The following SEMA3E variants were observed in gnomAD, a reference collection of about 807,000 sequenced individuals.
The protein encoded by SEMA3E is semaphorin 3E.
SEMA3E carries 49 observed loss-of-function variants against 93.6 expected under a neutral mutation model. The observed-to-expected ratio is 0.52, with a 90% CI of 0.42 to 0.66. The LOEUF (loss-of-function observed/expected upper bound fraction) is 0.66, where lower values mean the gene tolerates loss of function less well. SEMA3E is among the 30% of genes least tolerant of loss of function. The pLI is 0.00. For missense variants in SEMA3E, 906 were observed against 964.8 expected, an observed-to-expected ratio of 0.94 and a Z score of 0.81; for synonymous variants, 363 against 330.7, an observed-to-expected ratio of 1.10 and a Z score of -1.06.
chr7:83,595,772 G>A (rs1035045087), intron 1 of SEMA3E, among the ~76,000 whole-genome samples: 2 of 151,950 alleles, frequency 1.3e-5, no homozygotes, highest in Non-Finnish European at 2.9e-5. Flanking sequence ...TCACATCTCG[G>A]TACATCACGG....
At chr7:83,429,023 T>C (rs1788829891) in intron 4 of SEMA3E, among the ~76,000 whole-genome samples, 1 of 152,160 alleles carries the variant, frequency 6.6e-6, no homozygotes, top group Non-Finnish European at 1.5e-5. Flanking sequence ...GTGTTTGCGT[T>C]GTTAGGTGTG....
chr7:83,470,007 C>T (rs4461844), intron 2 of SEMA3E, among the ~76,000 whole-genome samples: 103,288 of 151,600 alleles, frequency 0.68, 36,810 homozygotes, highest in Non-Finnish European at 0.79. Context: ...AGGATGGTCT[C>T]GATCTCCTGG....
At chr7:83,547,282 G>C (rs1791672616) in intron 1 of SEMA3E, among the ~76,000 whole-genome samples, 1 of 151,960 alleles carries the variant, frequency 6.6e-6, no homozygotes, top group Non-Finnish European at 1.5e-5. Flanking sequence ...ACAGTTGATG[G>C]GACTTCATAT....
At chr7:83,569,793 T>C (rs1792237493) in intron 1 of SEMA3E, among the ~76,000 whole-genome samples, 1 of 152,154 alleles carries the variant, frequency 6.6e-6, no homozygotes. Flanking sequence ...AACACCCCAG[T>C]GACAGCGTTA....
chr7:83,543,382 A>G (rs1791579213), intron 1 of SEMA3E, among the ~76,000 whole-genome samples: 1 of 152,036 alleles, frequency 6.6e-6, no homozygotes, highest in South Asian at 2.1e-4. Context: ...AACAAGACAA[A>G]AAGCCAAATT....
In SEMA3E at chr7:83,435,604, AAAAT is replaced by A. The variant is rs1260736178; in HGVS notation, c.457-17125_457-17122del. On this transcript the variant is annotated intron_variant, in intron 4 of 16. Transcript: ENST00000643230. ...GAGCGAACCTCCGTCCAAAAAAAATAAAATAAATAAAGAAAGAAAGAAAAGAAAA... is the reference window on the plus strand; with the variant it reads ...GAGCGAACCTCCGTCCAAAAAAAATAAAATAAAGAAAGAAAGAAAAGAAAA... Among the ~76,000 whole-genome samples, 30 of 152,202 alleles carry A rather than the reference AAAAT, an allele frequency of 2.0e-4. 1 individual carries two copies. The highest frequency in any genetic ancestry group is 1.2e-4 in the African/African-American group (5 of 41,448).
At chr7:83,609,803 C>T (rs1463207251) in intron 1 of SEMA3E, among the ~76,000 whole-genome samples, 2 of 151,808 alleles carry the variant, frequency 1.3e-5, no homozygotes, top group Admixed American at 6.6e-5. Context: ...GTTAACTAAA[C>T]AAATTATTTT....
At chr7:83,434,221 A>T (rs28542400) in intron 4 of SEMA3E, among the ~76,000 whole-genome samples, 5,508 of 152,122 alleles carry the variant, frequency 0.036, 321 homozygotes, top group African/African-American at 0.13. Context: ...TGTTTCATAT[A>T]TTGCTCTTAC....
chr7:83,377,157 A>T (rs1787662617), intron 16 of SEMA3E, among the ~76,000 whole-genome samples: 1 of 152,052 alleles, frequency 6.6e-6, no homozygotes, highest in Non-Finnish European at 1.5e-5. Context: ...AAAAGAATGT[A>T]TTCCAAGAAA....
chr7:83,599,084 A>G (rs1304029262), intron 1 of SEMA3E, among the ~76,000 whole-genome samples: 1 of 152,080 alleles, frequency 6.6e-6, no homozygotes, highest in Admixed American at 6.6e-5. Flanking sequence ...AATTGTAAGA[A>G]CTCTCATTTT....
Position 83,431,348 on chromosome 7 carries a change from GA to G in SEMA3E, c.457-12866del, listed in dbSNP as rs1333735777. On this transcript the variant is annotated intron_variant, in intron 4 of 16. Transcript: ENST00000643230. ...TTCTTGGAAAGTTAAATTTTTATTA[GA>G]AAAAAATAAATATAAATTAAAAAAT... Among the ~76,000 whole-genome samples the G allele has an allele frequency of 3.4e-4, 52 of 151,278 alleles. 1 individual carries two copies. The highest frequency in any genetic ancestry group is 1.2e-3 in the African/African-American group (50 of 41,234).
intron 1 of SEMA3E, among the ~76,000 whole-genome samples, chr7:83,502,178 C>T (rs527309855): frequency 6.6e-6 from 1 of 152,188 alleles, no homozygotes; most frequent in Non-Finnish European, 1.5e-5. Flanking sequence ...TTAGCATCTC[C>T]TCTACCACCT....
At position 83,396,732 on chromosome 7, in the gene SEMA3E, G is replaced by A; in HGVS notation, c.1367-3C>T. On this transcript the variant is annotated splice_region_variant and splice_polypyrimidine_tract_variant and intron_variant, in intron 11 of 16. Transcript: ENST00000643230. ...TACTTTCAGCACAATTCCATTATCT[G>A]TAAGAAAACAAAACAAGAAATAAAC... 1.9e-6 allele frequency: 3 copies of A among 1,576,450 alleles called. No individual in the cohort carries two copies. Among genetic ancestry groups the A allele is most frequent in the East Asian group, 2.2e-5 (1 of 44,530 alleles).
At chr7:83,404,766 G>A (rs375560388) in intron 9 of SEMA3E, among the ~76,000 whole-genome samples, 77 of 152,054 alleles carry the variant, frequency 5.1e-4, no homozygotes, top group Non-Finnish European at 9.0e-4. Flanking sequence ...CGTAAGAGCA[G>A]GAAAATCAGA....
intron 1 of SEMA3E, among the ~76,000 whole-genome samples, chr7:83,597,422 A>G (rs977462043): frequency 6.6e-6 from 1 of 152,164 alleles, no homozygotes; most frequent in African/African-American, 2.4e-5. Flanking sequence ...AATCTTCTGT[A>G]TCTGTGGACT....
intron 2 of SEMA3E, among the ~76,000 whole-genome samples, chr7:83,478,346 CTA>C (rs748185395): frequency 2.6e-5 from 4 of 152,202 alleles, no homozygotes; most frequent in African/African-American, 4.8e-5. Flanking sequence ...ATGAAATATT[CTA>C]TGAGTTCCCC....
intron 1 of SEMA3E, among the ~76,000 whole-genome samples, chr7:83,569,766 TA>T (rs1372450511): frequency 6.6e-6 from 1 of 152,142 alleles, no homozygotes; most frequent in African/African-American, 2.4e-5. Context: ...AGCCACACAA[TA>T]ATAGTGGGAG....
intron 1 of SEMA3E, among the ~76,000 whole-genome samples, chr7:83,623,625 C>T (rs553972350): frequency 3.4e-4 from 51 of 151,622 alleles, no homozygotes; most frequent in African/African-American, 1.0e-3. Context: ...AAAAAAAATG[C>T]TACTTCACAT....
intron 1 of SEMA3E, among the ~76,000 whole-genome samples, chr7:83,580,528 G>C (rs1214771309): frequency 2.0e-5 from 3 of 151,872 alleles, no homozygotes; most frequent in Non-Finnish European, 4.4e-5. Flanking sequence ...TTCAGACTAT[G>C]ATCTTTGCTT....
Sources: allele counts gnomAD v4.1 joint callset (sites outside exome capture counted in the v4.1 genomes callset), GRCh38; gene constraint gnomAD v4.1.1; transcripts MANE v1.5; gene names NCBI Gene and HGNC (gene_info 2026-07-23, HGNC 2026-07-21).